Variants in NAALADL2 observed in about 807,000 individuals in gnomAD.
NAALADL2 encodes N-acetylated alpha-linked acidic dipeptidase like 2, also known as inactive N-acetylated-alpha-linked acidic dipeptidase-like protein 2.
NAALADL2 carries 76 observed loss-of-function variants against 87.2 expected under a neutral mutation model. The observed-to-expected ratio is 0.87, with a 90% confidence interval of 0.72 to 1.05. NAALADL2 has a LOEUF of 1.05. NAALADL2 is among the 50% of genes least tolerant of loss of function. The probability of loss-of-function intolerance (pLI) is 0.00; values close to 1 mark genes in which losing one functional copy is unlikely to be tolerated. For missense variants in NAALADL2, 1,089 were observed against 945.8 expected, an observed-to-expected ratio of 1.15 and a Z score of -1.99; for synonymous variants, 354 against 331.0, an observed-to-expected ratio of 1.07 and a Z score of -0.75.
chr3:175,617,481 C>T (rs1725508798), intron 10 of NAALADL2, among the ~76,000 whole-genome samples: 1 of 152,320 alleles, frequency 6.6e-6, no homozygotes, highest in South Asian at 2.1e-4. Flanking sequence ...CCTGGGCAGT[C>T]CTTCCTAAAG....
chr3:174,708,236 G>C (rs939628665), intron 2 of NAALADL2, among the ~76,000 whole-genome samples: 1 of 152,102 alleles, frequency 6.6e-6, no homozygotes, highest in African/African-American at 2.4e-5. Flanking sequence ...ATGATAAATG[G>C]AAGAGACAAA....
chr3:175,054,136 G>A (rs1407580948), intron 1 of NAALADL2, among the ~76,000 whole-genome samples: 1 of 152,216 alleles, frequency 6.6e-6, no homozygotes, highest in Non-Finnish European at 1.5e-5. Flanking sequence ...ATTAAAAGCA[G>A]CCAATACCTC....
chr3:175,801,013 G>A (rs1754082265), intron 13 of NAALADL2, among the ~76,000 whole-genome samples: 1 of 152,138 alleles, frequency 6.6e-6, no homozygotes, highest in Admixed American at 6.6e-5. Context: ...AGTATGTGGT[G>A]AAAAGTGCTG....
intron 1 of NAALADL2, among the ~76,000 whole-genome samples, chr3:174,543,740 G>T (rs952871260): frequency 2.6e-5 from 4 of 152,088 alleles, no homozygotes; most frequent in Non-Finnish European, 4.4e-5. Flanking sequence ...AGGTGCTGTG[G>T]CTCACACCTG....
Position 175,324,233 on chromosome 3 carries a change from A to G in NAALADL2, c.998A>G (p.Asp333Gly), listed in dbSNP as rs773090236. 6.2e-7 allele frequency: 1 copy of G among 1,613,660 alleles called. No individual in the cohort carries two copies. The highest frequency in any genetic ancestry group is 2.2e-5 in the East Asian group (1 of 44,828). Residue 333 changes from aspartate to glycine, a missense_variant, in exon 5 of 14, where the codon GAT becomes GGT. Transcript: ENST00000454872. ...GGVLLYIDPC[D>G]LPKTVNPSHD... is the part of the protein sequence containing the mutation. ...GTTCTTCTGTATATCGATCCTTGTGATTTGCCAAAGACTGTGAATCCTAGC... is the reference window on the plus strand; with the variant it reads ...GTTCTTCTGTATATCGATCCTTGTGGTTTGCCAAAGACTGTGAATCCTAGC...
intron 1 of NAALADL2, among the ~76,000 whole-genome samples, chr3:174,893,315 C>CG (rs1051951268): frequency 1.4e-5 from 2 of 142,862 alleles, no homozygotes; most frequent in African/African-American, 5.2e-5. Context: ...CTTCAACCCC[C>CG]CCCCGCAAAA....
At chr3:175,228,376 T>A (rs2109417758) in intron 2 of NAALADL2, among the ~76,000 whole-genome samples, 1 of 152,028 alleles carries the variant, frequency 6.6e-6, no homozygotes, top group Admixed American at 6.6e-5. Flanking sequence ...ATGTCTAAGG[T>A]GTTATAGTGC....
chr3:175,740,567 C>G (rs1583071590), intron 12 of NAALADL2, among the ~76,000 whole-genome samples: 1 of 152,296 alleles, frequency 6.6e-6, no homozygotes, highest in South Asian at 2.1e-4. Context: ...TCTAATATCA[C>G]AATATCTTGA....
rs537135693 is a variant in NAALADL2, at chr3:175,377,067, C to T, written c.1090+52742C>T. On this transcript the variant is annotated intron_variant, in intron 5 of 13. Transcript: ENST00000454872. ...GTGGCTCACACCTGTAATTCCAGTA[C>T]TTTGGGAGACCCAAGCAGGCAGATT... Among the ~76,000 whole-genome samples, 3 of 151,962 alleles carry T rather than the reference C, an allele frequency of 2.0e-5. No individual in the cohort carries two copies. In the South Asian group the frequency reaches 6.2e-4, roughly 32 times the overall value.
intron 1 of NAALADL2, among the ~76,000 whole-genome samples, chr3:174,938,978 G>GTAC (rs974602464): frequency 1.3e-5 from 2 of 150,466 alleles, no homozygotes; most frequent in African/African-American, 4.9e-5. Flanking sequence ...GGTTGTCTGT[G>GTAC]TACTCTTTTG....
intron 1 of NAALADL2, among the ~76,000 whole-genome samples, chr3:174,925,204 G>T (rs1198542079): frequency 2.6e-5 from 4 of 152,102 alleles, no homozygotes. Context: ...ATGGTTTTAG[G>T]TCTAACATTT....
intron 9 of NAALADL2, among the ~76,000 whole-genome samples, chr3:175,572,262 A>G (rs1718189363): frequency 1.3e-5 from 2 of 152,142 alleles, no homozygotes; most frequent in Admixed American, 6.6e-5. Context: ...TCAGTCACTC[A>G]ACCCTCTTTT....
intron 12 of NAALADL2, among the ~76,000 whole-genome samples, chr3:175,744,082 T>C (rs374942842): frequency 4.6e-5 from 7 of 152,142 alleles, no homozygotes; most frequent in African/African-American, 1.4e-4. Flanking sequence ...AGTGATATCA[T>C]TAGGGGAGAA....
chr3:174,920,568 G>A (rs1735025488), intron 1 of NAALADL2, among the ~76,000 whole-genome samples: 1 of 152,204 alleles, frequency 6.6e-6, no homozygotes, highest in South Asian at 2.1e-4. Context: ...TGCTGTGGCT[G>A]CTTTATCCTT....
chr3:174,870,139 T>C (rs1727638408), intron 1 of NAALADL2, among the ~76,000 whole-genome samples: 1 of 152,088 alleles, frequency 6.6e-6, no homozygotes, highest in Admixed American at 6.6e-5. Flanking sequence ...TCAGCATGTT[T>C]GCATTTTAGG....
At chr3:175,269,473 T>C (rs946965359) in intron 4 of NAALADL2, among the ~76,000 whole-genome samples, 1 of 152,216 alleles carries the variant, frequency 6.6e-6, no homozygotes, top group African/African-American at 2.4e-5. Context: ...TGTCACTTGC[T>C]GATAGGAAAA....
At chr3:175,607,252 A>G (rs1181311635) in intron 10 of NAALADL2, among the ~76,000 whole-genome samples, 1 of 152,240 alleles carries the variant, frequency 6.6e-6, no homozygotes, top group Non-Finnish European at 1.5e-5. Flanking sequence ...AATAGTATAA[A>G]GAGAAAAAGA....
chr3:174,969,061 G>A (rs777139601), intron 1 of NAALADL2, among the ~76,000 whole-genome samples: 12 of 152,262 alleles, frequency 7.9e-5, no homozygotes, highest in Non-Finnish European at 1.6e-4. Context: ...TATATGACCT[G>A]GAACTGGTAT....
chr3:174,882,413 T>C (rs1729309038), intron 1 of NAALADL2, among the ~76,000 whole-genome samples: 1 of 139,804 alleles, frequency 7.2e-6, no homozygotes, highest in African/African-American at 2.9e-5. Context: ...TAATGTATAT[T>C]GTGTATGTGT....
Sources: gnomAD v4.1 joint callset for allele counts (sites outside exome capture counted in the v4.1 genomes callset) on GRCh38, gnomAD v4.1.1 for gene constraint, MANE v1.5 for transcripts, NCBI Gene and HGNC (gene_info 2026-07-23, HGNC 2026-07-21) for gene names.